RCOR3: variants seen among roughly 807,000 people sequenced by gnomAD.
RCOR3 encodes the protein REST corepressor 3.
RCOR3 carries 13 observed loss-of-function variants against 64.1 expected under a neutral mutation model. The observed-to-expected ratio is 0.20, with a 90% CI of 0.13 to 0.32. The LOEUF is 0.32. RCOR3 is among the 10% of genes least tolerant of loss of function. The pLI, the probability that RCOR3 is intolerant of heterozygous loss-of-function variation, is 1.00. For missense variants in RCOR3, 489 were observed against 701.2 expected (o/e 0.70, Z 3.42); for synonymous variants, 215 against 239.0 (o/e 0.90, Z 0.93).
chr1:211,304,039 C>A, intron 9 of RCOR3, 44 bp from the exon 10 acceptor site: 1 of 1,393,226 alleles, frequency 7.2e-7, no homozygotes, highest in Non-Finnish European at 9.9e-7. Flanking sequence ...TGGAAAATGT[C>A]TGTCTTCATA....
chr1:211,270,742 A>G (rs537372536), intron 2 of RCOR3, among the ~76,000 whole-genome samples: 67 of 152,308 alleles, frequency 4.4e-4, no homozygotes, highest in African/African-American at 1.5e-3. Flanking sequence ...CTTAGTTTTT[A>G]TAAGCAAAAT....
intron 9 of RCOR3, among the ~76,000 whole-genome samples, chr1:211,299,662 C>T (rs1246503410): frequency 1.3e-5 from 2 of 152,062 alleles, no homozygotes; most frequent in African/African-American, 4.8e-5. Flanking sequence ...GTGAAAATGC[C>T]GAATTCACTA....
rs1360276895 is a variant in RCOR3 at position 211,312,713 on chromosome 1, C to T, written c.1076-7C>T. On this transcript the variant is annotated splice_polypyrimidine_tract_variant and splice_region_variant and intron_variant, in intron 10 of 11. Coordinates refer to ENST00000419091, the MANE Select transcript of RCOR3 (RefSeq NM_001136223.3). The surrounding 1 kb of genome is among the most constrained non-coding windows in gnomAD (Gnocchi z 5.0). Reference sequence around the variant, plus strand: ...TTCACAGGTGTATTATTTACTTTGCCTTCCAGGTGTCCGCAAATATGGTAA... The same window carrying T: ...TTCACAGGTGTATTATTTACTTTGCTTTCCAGGTGTCCGCAAATATGGTAA... 5.6e-6 allele frequency: 9 copies of T among 1,608,956 alleles called. No individual in the cohort carries two copies. Among genetic ancestry groups the T allele is most frequent in the Admixed American group, 3.3e-5 (2 of 59,936 alleles).
Position 211,313,127 on chromosome 1 carries a change from A to G in RCOR3, c.1317+166A>G, listed in dbSNP as rs887383280. The G allele has an allele frequency of 8.0e-5, 119 of 1,496,498 alleles. No individual in the cohort carries two copies. The highest frequency in any genetic ancestry group is 1.0e-4 in the Non-Finnish European group (115 of 1,131,846). The allele number at this position is 1,496,498 out of a possible 1,614,324, so 92.7% of individuals were successfully genotyped here. On this transcript the variant is annotated intron_variant, in intron 11 of 11. Coordinates refer to ENST00000419091, the MANE Select transcript of RCOR3 (RefSeq NM_001136223.3). The surrounding 1 kb of genome is among the most constrained non-coding windows in gnomAD (Gnocchi z 4.7). ...CTCGTGACTCTTAAGTCATAATGAC[A>G]TGCTAAGTTCTGATTCTAGAAGAAT... is the stretch of plus-strand genomic sequence containing the variant.
Position 211,278,234 on chromosome 1 carries a change from G to A in RCOR3, c.634G>A (p.Gly212Ser). 6.2e-7 allele frequency: 1 copy of A among 1,613,502 alleles called. No homozygotes were observed. Among genetic ancestry groups the A allele is most frequent in the Non-Finnish European group, 8.5e-7 (1 of 1,179,758 alleles). ...ARKLANRHNQ[G>S]DSDDDVEETH... ...TAAACTAGCTAATAGACATAATCAG[G>A]GTGACAGGTAGGTTGGTTACCTTCA... Residue 212 changes from glycine to serine, a missense_variant, in exon 6 of 12, where the codon GGT becomes AGT. By Grantham distance (56) the Gly-to-Ser change is moderately conservative. Transcript: ENST00000419091.
At chr1:211,287,794 T>C (rs1170835829) in intron 7 of RCOR3, among the ~76,000 whole-genome samples, 1 of 152,016 alleles carries the variant, frequency 6.6e-6, no homozygotes, top group Non-Finnish European at 1.5e-5. Flanking sequence ...GGCAGGAGAA[T>C]TGCTTGAGCC....
chr1:211,293,212 ATTAT>A (rs1325197115), intron 8 of RCOR3, among the ~76,000 whole-genome samples: 7 of 151,932 alleles, frequency 4.6e-5, no homozygotes, highest in Non-Finnish European at 1.0e-4. Flanking sequence ...AGTTTTCTTA[ATTAT>A]TTATTATTTC....
Position 211,262,140 on chromosome 1 carries a change from C to T in RCOR3, c.223+1976C>T, listed in dbSNP as rs759632824. Reference sequence around the variant, plus strand: ...GCAACCTCTGCCTCCCGGGTTCAAGCGATTGTCCTGCCTCAGCCTCCTGAG... The same window carrying T: ...GCAACCTCTGCCTCCCGGGTTCAAGTGATTGTCCTGCCTCAGCCTCCTGAG... On this transcript the variant is annotated intron_variant, in intron 2 of 11. Coordinates refer to ENST00000419091, the MANE Select transcript of RCOR3 (RefSeq NM_001136223.3). Among the ~76,000 whole-genome samples, 73 of 136,984 alleles carry T rather than the reference C, an allele frequency of 5.3e-4. 1 individual carries two copies. The highest frequency in any genetic ancestry group is 0.011 in the Middle Eastern group (2 of 180). The allele number at this position is 136,984 out of a possible 152,430, so 89.9% of individuals were successfully genotyped here. A position where few individuals can be genotyped will look rare whatever the true frequency, so the allele number is the denominator to read the frequency against.
At chr1:211,306,126 T>A (rs535369330) in intron 10 of RCOR3, among the ~76,000 whole-genome samples, 138 of 152,294 alleles carry the variant, frequency 9.1e-4, no homozygotes, top group African/African-American at 3.2e-3. Context: ...ATAAGGCTAT[T>A]TGTGCCCTAT....
At chr1:211,282,969 GTATT>G (rs1698029074) in intron 7 of RCOR3, among the ~76,000 whole-genome samples, 1 of 152,110 alleles carries the variant, frequency 6.6e-6, no homozygotes, top group African/African-American at 2.4e-5. Context: ...CATATTGTAT[GTATT>G]CTTCAGTACT....
chr1:211,275,081 C>A (rs1474470094), intron 4 of RCOR3, among the ~76,000 whole-genome samples: 1 of 151,030 alleles, frequency 6.6e-6, no homozygotes, highest in Admixed American at 6.6e-5. Flanking sequence ...TGGTACATTA[C>A]CCTTAGTAAT....
chr1:211,299,231 G>A (rs916759369), intron 9 of RCOR3, among the ~76,000 whole-genome samples: 2 of 152,114 alleles, frequency 1.3e-5, no homozygotes, highest in Non-Finnish European at 2.9e-5. Flanking sequence ...AGTAGGGTTG[G>A]GTATTAGTTA....
intron 2 of RCOR3, among the ~76,000 whole-genome samples, chr1:211,264,702 T>TA (rs1267168706): frequency 6.6e-6 from 1 of 152,170 alleles, no homozygotes; most frequent in Non-Finnish European, 1.5e-5. Flanking sequence ...AAAGAATTAT[T>TA]AAAGTGATTA....
chr1:211,263,149 T>C (rs1056208911), intron 2 of RCOR3, among the ~76,000 whole-genome samples: 11 of 151,718 alleles, frequency 7.3e-5, no homozygotes, highest in African/African-American at 1.4e-4. Flanking sequence ...TGCGATAGTT[T>C]ACTGAGAATG....
chr1:211,286,422 C>T (rs1698544457), intron 7 of RCOR3, among the ~76,000 whole-genome samples: 1 of 151,862 alleles, frequency 6.6e-6, no homozygotes, highest in African/African-American at 2.4e-5. Context: ...ATTCTCCTGC[C>T]TCAGCCTCCT....
intron 7 of RCOR3, among the ~76,000 whole-genome samples, chr1:211,285,725 T>C (rs1029130498): frequency 6.6e-5 from 10 of 152,228 alleles, no homozygotes; most frequent in African/African-American, 2.4e-4. Flanking sequence ...TTAATTTAGG[T>C]TTGTCAGTTC....
In RCOR3 at chr1:211,274,278, C is replaced by T. The variant is rs775171840; in HGVS notation, c.354+16C>T. On this transcript the variant is annotated intron_variant, in intron 4 of 11. Coordinates refer to ENST00000419091, the MANE Select transcript of RCOR3 (RefSeq NM_001136223.3). ...TGTGGAACAGGTATGTAGAGAAACA[C>T]TTCAGTAGTAAGGCTTGTCCCAATA... The T allele has an allele frequency of 1.4e-5, 22 of 1,559,710 alleles. No individual in the cohort carries two copies. The highest frequency in any genetic ancestry group is 1.9e-5 in the Non-Finnish European group (22 of 1,132,742).
chr1:211,269,029 C>G (rs1182045975), intron 2 of RCOR3, among the ~76,000 whole-genome samples: 1 of 152,176 alleles, frequency 6.6e-6, no homozygotes, highest in Non-Finnish European at 1.5e-5. Flanking sequence ...AGTAGTAGTT[C>G]TCTGACCCCT....
rs1340952170 is a variant in RCOR3 at position 211,276,404 on chromosome 1, A to G, written c.502A>G (p.Arg168Gly). Residue 168 changes from arginine (R) to glycine (G), a missense_variant, in exon 5 of 12, where the codon AGG (arginine) becomes GGG (glycine). Physicochemically the swap from Arg to Gly is moderately radical, Grantham distance 125. Around this residue, in one of 2 missense-constraint regions of RCOR3, gnomAD observed 402 missense variants for 617.0 expected, o/e 0.65. Transcript: ENST00000419091. ...TAGTTTTCATGGAAAGAGCTTTCAC[A>G]GGATTCAGCAAATGGTATGGTAATT... ...AFSFHGKSFH[R>G]IQQMLPDKTI... The G allele has an allele frequency of 6.2e-7, 1 of 1,612,942 alleles. No individual in the cohort carries two copies.
Sources: allele counts gnomAD v4.1 joint callset (sites outside exome capture counted in the v4.1 genomes callset), GRCh38; gene constraint gnomAD v4.1.1; regional missense constraint gnomAD v4.1.1; non-coding constraint Gnocchi (gnomAD v3.1); transcripts MANE v1.5; gene names NCBI Gene and HGNC (gene_info 2026-07-23, HGNC 2026-07-21).